The following PASK variants were observed in gnomAD, a reference collection of about 807,000 sequenced individuals.
The protein encoded by PASK is PAS domain containing serine/threonine kinase, also known as PAS domain-containing serine/threonine-protein kinase.
A neutral mutation model predicts 121.0 loss-of-function variants in PASK; 110 were observed. The ratio of observed to expected loss-of-function variants is 0.91; its 90% CI spans 0.78 to 1.06. The LOEUF is 1.06. PASK is among the 50% of genes least tolerant of loss of function. The pLI, the probability that PASK is intolerant of heterozygous loss-of-function variation, is 0.00. For missense variants in PASK, 1,643 were observed against 1,702.3 expected (o/e 0.97, Z 0.61); for synonymous variants, 686 against 717.8 (o/e 0.96, Z 0.71).
At chr2:241,120,493 A>AAAAAAAAAAAAAAAAAAAAAAAAG (rs1212274441) in intron 12 of PASK, among the ~76,000 whole-genome samples, 1 of 147,032 alleles carries the variant, frequency 6.8e-6, no homozygotes, top group Non-Finnish European at 1.5e-5. Flanking sequence ...ACTCTGTCTC[A>AAAAAAAAAAAAAAAAAAAAAAAAG]AAAGAAAAAA....
chr2:241,148,785 A>C (rs545116449), intron 1 of PASK, among the ~76,000 whole-genome samples: 1 of 152,360 alleles, frequency 6.6e-6, no homozygotes, highest in South Asian at 2.1e-4. Context: ...AGCAGCAGAA[A>C]GATGAAGAGA....
rs776733626 is a variant in PASK at position 241,127,356 on chromosome 2, A to G, written c.1559T>C (p.Val520Ala). The G allele has an allele frequency of 3.7e-6, 6 of 1,614,036 alleles. No individual in the cohort carries two copies. The Admixed American group carries it at 8.3e-5, about 22-fold the overall frequency. ...QITALGREEP[V>A]AIESPGQDLL... ...ATCCTGTCCGGGGCTCTCTATTGCC[A>G]CAGGTTCCTCTCTCCCCAAGGCAGT... Residue 520 changes from valine (V) to alanine (A), a missense_variant, in exon 10 of 18, where the codon GTG (valine) becomes GCG (alanine). Physicochemically the swap from Val to Ala is moderately conservative, Grantham distance 64. Coordinates refer to ENST00000234040, the MANE Select transcript of PASK (RefSeq NM_015148.4).
chr2:241,143,350 G>A (rs977646785), intron 1 of PASK, among the ~76,000 whole-genome samples: 4 of 152,126 alleles, frequency 2.6e-5, no homozygotes, highest in African/African-American at 9.7e-5. Flanking sequence ...AGGAGATCGA[G>A]ACCATCCTGA....
intron 15 of PASK, among the ~76,000 whole-genome samples, chr2:241,111,679 A>G (rs1209865955): frequency 1.3e-5 from 2 of 151,720 alleles, no homozygotes; most frequent in Non-Finnish European, 2.9e-5. Flanking sequence ...GCAGAGATGC[A>G]AACTCAGCCA....
chr2:241,115,274 G>A lies in PASK; in HGVS notation c.3198+14C>T, dbSNP rs1417373924. The A allele has an allele frequency of 1.9e-6, 3 of 1,614,028 alleles. No individual in the cohort carries two copies. The highest frequency in any genetic ancestry group is 2.5e-6 in the Non-Finnish European group (3 of 1,179,928). On this transcript the variant is annotated intron_variant, in intron 13 of 17. Coordinates refer to ENST00000234040, the MANE Select transcript of PASK (RefSeq NM_015148.4). Reference sequence around the variant, plus strand: ...TGAGCCAAGTTAGGGTATCTCTGAAGAGGAAACCATCACCTTGATGATATT... The same window carrying A: ...TGAGCCAAGTTAGGGTATCTCTGAAAAGGAAACCATCACCTTGATGATATT...
chr2:241,116,304 G>A (rs1287948563), intron 12 of PASK, among the ~76,000 whole-genome samples: 2 of 152,236 alleles, frequency 1.3e-5, no homozygotes, highest in African/African-American at 4.8e-5. Context: ...GCAGCACAAG[G>A]AAGCACAGAA....
chr2:241,132,783 A>G (rs2066225908), intron 9 of PASK, 91 bp downstream of exon 9: 2 of 1,064,616 alleles, frequency 1.9e-6, no homozygotes, highest in South Asian at 1.3e-5. Flanking sequence ...TATGAATAAT[A>G]GGCTGAACAT....
chr2:241,147,736 GA>G (rs1277631779), intron 1 of PASK, among the ~76,000 whole-genome samples: 1 of 148,474 alleles, frequency 6.7e-6, no homozygotes, highest in African/African-American at 2.4e-5. Context: ...AAAGCAAAGG[GA>G]GGGTAAGGGC....
In PASK at chr2:241,106,452, G is replaced by C. The variant is rs2064882347; in HGVS notation, c.*114C>G. 9.2e-7 allele frequency: 1 copy of C among 1,090,680 alleles called. No individual in the cohort carries two copies. The highest frequency in any genetic ancestry group is 1.5e-5 in the African/African-American group (1 of 65,100). The allele number at this position is 1,090,680 out of a possible 1,614,324, so 67.6% of individuals were successfully genotyped here. ...TGGTGTTTATCAAACCTGCACATGA[G>C]TTTTTAGAAGGTGAATTGGGGATGC... On this transcript the variant is annotated 3_prime_UTR_variant, in exon 18 of 18. Transcript: ENST00000234040.
chr2:241,126,806 G>T lies in PASK; in HGVS notation c.2109C>A (p.Asp703Glu). 19 of 1,613,870 alleles carry T rather than the reference G, an allele frequency of 1.2e-5. No individual in the cohort carries two copies. The highest frequency in any genetic ancestry group is 1.5e-5 in the Non-Finnish European group (18 of 1,179,874). Reference sequence around the variant, plus strand: ...AGCTGCCCGTGCAGCCACCGCACAGGTCTCTGCCTCCCAGATCGCAGGACG... The same window carrying T: ...AGCTGCCCGTGCAGCCACCGCACAGTTCTCTGCCTCCCAGATCGCAGGACG... ...PVSSCDLGGR[D>E]LCGGCTGSSS... The change falls in exon 10 of 18, where the codon GAC (aspartate) becomes GAA (glutamate). Residue 703 changes from aspartate (D) to glutamate (E), a missense_variant. Transcript: ENST00000234040.
At chr2:241,137,408 C>T in intron 6 of PASK, 144 bp from the exon 7 acceptor site, 1 of 749,224 alleles carries the variant, frequency 1.3e-6, no homozygotes. Context: ...TCTGCCTTCC[C>T]TCTCCTCCCA....
At chr2:241,135,499 A>G (rs751007966) in intron 8 of PASK, among the ~76,000 whole-genome samples, 17 of 152,190 alleles carry the variant, frequency 1.1e-4, no homozygotes, top group Non-Finnish European at 2.2e-4. Flanking sequence ...TTCAAGGGTC[A>G]GCGGTAATCC....
At chr2:241,119,379 C>T (rs2065506586) in intron 12 of PASK, among the ~76,000 whole-genome samples, 1 of 152,104 alleles carries the variant, frequency 6.6e-6, no homozygotes, top group Non-Finnish European at 1.5e-5. Flanking sequence ...GCATCATGTG[C>T]CCACCCTCCA....
chr2:241,150,269 C>T, upstream of PASK: 1 of 1,319,782 alleles, frequency 7.6e-7, no homozygotes, highest in Non-Finnish European at 9.7e-7. Context: ...CTTCTCGCCT[C>T]CAGACTGTTC....
chr2:241,122,718 C>CA lies in PASK; in HGVS notation c.3072+13dup, dbSNP rs771479989. The CA allele has an allele frequency of 5.8e-5, 94 of 1,613,406 alleles. No individual in the cohort carries two copies. In the African/African-American group the frequency reaches 9.9e-4, roughly 17 times the overall value. Reference sequence around the variant, plus strand: ...GTGGTGCCCGGCGCCACTCCCCCCCCACAGCCAGGTTACCTCCTTGTTTTT... The same window carrying CA: ...GTGGTGCCCGGCGCCACTCCCCCCCCAACAGCCAGGTTACCTCCTTGTTTTT... On this transcript the variant is annotated intron_variant, in intron 12 of 17. Transcript: ENST00000234040.
At position 241,129,472 on chromosome 2, in the gene PASK, G is replaced by A. The variant is rs181250902; in HGVS notation, c.1464-2021C>T. 2.9e-3 allele frequency among the ~76,000 whole-genome samples: 435 copies of A among 152,318 alleles called. 6 individuals are homozygous for A. Among genetic ancestry groups the A allele is most frequent in the African/African-American group, 0.01 (417 of 41,584 alleles). On this transcript the variant is annotated intron_variant, in intron 9 of 17. Coordinates refer to ENST00000234040, the MANE Select transcript of PASK (RefSeq NM_015148.4). ...GGGCATCCACTGCCCTGTGTCTGCA[G>A]CAAGGCCTCTGAACACTCAAACTGC...
chr2:241,149,411 C>T lies in PASK; in HGVS notation c.-43+3G>A, dbSNP rs369088897. ...CCCGCTCTCCCGAGCGCAGGTATCT[C>T]ACCTGGATCAGGCGAGGGTCACGCC... is the stretch of plus-strand genomic sequence containing the variant. On this transcript the variant is annotated splice_donor_region_variant and intron_variant, in intron 1 of 17. Transcript: ENST00000234040. 3 of 505,062 alleles carry T rather than the reference C, an allele frequency of 5.9e-6. No homozygotes were observed. Among genetic ancestry groups the T allele is most frequent in the Non-Finnish European group, 1.1e-5 (3 of 282,914 alleles). The allele number at this position is 505,062 out of a possible 1,614,324, so 31.3% of individuals were successfully genotyped here. A position where few individuals can be genotyped will look rare whatever the true frequency, so the allele number is the denominator to read the frequency against.
chr2:241,124,022 CG>C lies in PASK; in HGVS notation c.2830del (p.Arg944AlafsTer59), dbSNP rs2065743827. The stretch of plus-strand genomic sequence containing the variant: ...GCCGGGCAGGCTGGCAAGGAACAGG[CG>C]GGTCCTGGCGGCTGAGTCGCGTTGG... ...HSQRDSAART[R>X]LFLASLPGST... is the part of the protein sequence containing the mutation. On this transcript the variant is annotated frameshift_variant, in exon 11 of 18. Transcript: ENST00000234040. LOFTEE classifies it high-confidence loss of function. The C allele has an allele frequency of 1.2e-6, 2 of 1,613,768 alleles. No individual in the cohort carries two copies. Among genetic ancestry groups the C allele is most frequent in the Non-Finnish European group, 1.7e-6 (2 of 1,179,956 alleles).
intron 1 of PASK, among the ~76,000 whole-genome samples, chr2:241,147,822 G>C (rs2067030893): frequency 1.3e-5 from 2 of 152,184 alleles, no homozygotes; most frequent in African/African-American, 4.8e-5. Context: ...TTAGGTTACT[G>C]AGAGTTACAA....
Sources: gnomAD v4.1 joint callset for allele counts (sites outside exome capture counted in the v4.1 genomes callset) on GRCh38, gnomAD v4.1.1 for gene constraint, MANE v1.5 for transcripts, NCBI Gene and HGNC (gene_info 2026-07-23, HGNC 2026-07-21) for gene names.